Variants in GPC5 observed in about 807,000 individuals in gnomAD.
GPC5 encodes glypican-5.
Under a neutral mutation model 53.9 loss-of-function variants are expected in GPC5, and 47 were observed. The observed-to-expected ratio is 0.87, with a 90% CI of 0.69 to 1.11. The LOEUF (loss-of-function observed/expected upper bound fraction) is 1.11, where lower values mean the gene tolerates loss of function less well. Ranked by LOEUF, GPC5 falls within the 50% of genes most tolerant of loss-of-function variation. GPC5 has a pLI of 0.00. For synonymous variants in GPC5, 286 were observed against 263.3 expected, an observed-to-expected ratio of 1.09 and a Z score of -0.84; for missense variants, 748 against 713.1, an observed-to-expected ratio of 1.05 and a Z score of -0.56.
chr13:92,752,837 C>A (rs1354917257), intron 7 of GPC5, among the ~76,000 whole-genome samples: 1 of 152,166 alleles, frequency 6.6e-6, no homozygotes, highest in Non-Finnish European at 1.5e-5. Context: ...TCGGAGGGAC[C>A]TACGCCCAGG....
At chr13:91,903,160 T>C (rs1039084310) in intron 5 of GPC5, among the ~76,000 whole-genome samples, 1 of 152,066 alleles carries the variant, frequency 6.6e-6, no homozygotes, top group Non-Finnish European at 1.5e-5. Flanking sequence ...ACTGATTCGT[T>C]TTAAAATTTT....
chr13:92,501,981 A>G (rs1287447988), intron 7 of GPC5, among the ~76,000 whole-genome samples: 1 of 152,170 alleles, frequency 6.6e-6, no homozygotes, highest in Non-Finnish European at 1.5e-5. Flanking sequence ...AAAAGATACT[A>G]GAAAGAAACT....
chr13:92,862,597 G>A (rs1879216006), intron 7 of GPC5, among the ~76,000 whole-genome samples: 1 of 151,170 alleles, frequency 6.6e-6, no homozygotes, highest in African/African-American at 2.4e-5. Context: ...GAAATCTGGT[G>A]TCAGATATAT....
intron 6 of GPC5, among the ~76,000 whole-genome samples, chr13:91,914,212 G>A (rs894412645): frequency 6.6e-6 from 1 of 152,060 alleles, no homozygotes; most frequent in Admixed American, 6.5e-5. Context: ...TGTTAGTTGA[G>A]AATTATAATG....
At chr13:92,519,452 C>A (rs1780431883) in intron 7 of GPC5, among the ~76,000 whole-genome samples, 1 of 152,286 alleles carries the variant, frequency 6.6e-6, no homozygotes, top group East Asian at 1.9e-4. Flanking sequence ...TGCAATCAAA[C>A]TAGAACTCAG....
intron 7 of GPC5, among the ~76,000 whole-genome samples, chr13:92,727,807 GACT>G (rs1236087933): frequency 6.6e-6 from 1 of 151,028 alleles, no homozygotes; most frequent in Non-Finnish European, 1.5e-5. Context: ...GCCTCCTTTG[GACT>G]ACCTTCACCA....
intron 7 of GPC5, among the ~76,000 whole-genome samples, chr13:92,433,278 C>G (rs1291063885): frequency 2.6e-5 from 4 of 151,750 alleles, no homozygotes; most frequent in Non-Finnish European, 4.4e-5. Flanking sequence ...GGCAGAATAT[C>G]TAGATACAGA....
At chr13:92,425,831 A>G (rs1424983169) in intron 7 of GPC5, among the ~76,000 whole-genome samples, 2 of 152,036 alleles carry the variant, frequency 1.3e-5, no homozygotes, top group African/African-American at 2.4e-5. Flanking sequence ...TTTGTAGTTT[A>G]TATGTTATCT....
At chr13:92,415,151 A>G (rs1876230234) in intron 7 of GPC5, among the ~76,000 whole-genome samples, 1 of 152,198 alleles carries the variant, frequency 6.6e-6, no homozygotes, top group Non-Finnish European at 1.5e-5. Flanking sequence ...GCTGGACAGG[A>G]GTGAAACTAT....
intron 6 of GPC5, among the ~76,000 whole-genome samples, chr13:91,933,704 T>C (rs754096531): frequency 1.3e-5 from 2 of 151,932 alleles, no homozygotes; most frequent in Non-Finnish European, 2.9e-5. Context: ...TCATTTTGTT[T>C]TCATTTCATT....
intron 2 of GPC5, among the ~76,000 whole-genome samples, chr13:91,597,495 G>A (rs2033036279): frequency 6.6e-6 from 1 of 152,112 alleles, no homozygotes; most frequent in South Asian, 2.1e-4. Flanking sequence ...CTCAGTTTAT[G>A]TCAGCACCTC....
At chr13:92,718,207 C>A (rs1433247390) in intron 7 of GPC5, among the ~76,000 whole-genome samples, 6 of 152,070 alleles carry the variant, frequency 3.9e-5, no homozygotes. Flanking sequence ...TAGGTATATA[C>A]CCAAAAGAAA....
chr13:92,391,658 T>C (rs1176672433), intron 7 of GPC5, among the ~76,000 whole-genome samples: 1 of 152,190 alleles, frequency 6.6e-6, no homozygotes, highest in Non-Finnish European at 1.5e-5. Flanking sequence ...ATATGAATAA[T>C]ATATATTCTA....
chr13:92,166,972 A>T (rs1223596913), intron 7 of GPC5, among the ~76,000 whole-genome samples: 1 of 147,186 alleles, frequency 6.8e-6, no homozygotes, highest in African/African-American at 2.6e-5. Context: ...ACACACACAC[A>T]CACACACACA....
intron 2 of GPC5, among the ~76,000 whole-genome samples, chr13:91,608,187 G>T (rs188413027): frequency 7.7e-4 from 117 of 152,230 alleles, no homozygotes; most frequent in Admixed American, 4.4e-3. Flanking sequence ...TCCAGGGAAC[G>T]CATTGATTAT....
chr13:92,865,235 G>GC (rs970453753), intron 7 of GPC5, among the ~76,000 whole-genome samples: 4 of 151,924 alleles, frequency 2.6e-5, no homozygotes, highest in African/African-American at 9.7e-5. Flanking sequence ...GACTTTGCCC[G>GC]CTTTTTTTTA....
chr13:92,066,245 A>G (rs906672785), intron 6 of GPC5, among the ~76,000 whole-genome samples: 1 of 152,052 alleles, frequency 6.6e-6, no homozygotes, highest in Admixed American at 6.6e-5. Context: ...TAATCACTGT[A>G]TCTTTACTCA....
chr13:91,895,638 CTT>C (rs1277407427), intron 5 of GPC5, among the ~76,000 whole-genome samples: 1 of 143,374 alleles, frequency 7.0e-6, no homozygotes. Context: ...CTCTTTCTTT[CTT>C]TTTTTTTTTT....
At chr13:92,056,105 T>C (rs1163642316) in intron 6 of GPC5, among the ~76,000 whole-genome samples, 2 of 152,152 alleles carry the variant, frequency 1.3e-5, no homozygotes, top group African/African-American at 4.8e-5. Context: ...TATTATCTTA[T>C]AGTTCTGCGG....
Sources: allele counts gnomAD v4.1 joint callset (sites outside exome capture counted in the v4.1 genomes callset), GRCh38; gene constraint gnomAD v4.1.1; transcripts MANE v1.5; gene names NCBI Gene and HGNC (gene_info 2026-07-23, HGNC 2026-07-21).